STXBP5L: variants seen among roughly 807,000 people sequenced by gnomAD.
STXBP5L encodes the protein syntaxin binding protein 5L, also known as syntaxin-binding protein 5-like.
A neutral mutation model predicts 144.5 loss-of-function variants in STXBP5L; 65 were observed. The ratio of observed to expected loss-of-function variants is 0.45; its 90% CI spans 0.37 to 0.55. The LOEUF (loss-of-function observed/expected upper bound fraction) is 0.55, where lower values mean the gene tolerates loss of function less well. Ranked by LOEUF, STXBP5L falls within the 20% of genes least tolerant of loss-of-function variation. The pLI is 0.00. For missense variants in STXBP5L, 1,298 were observed against 1,405.5 expected (o/e 0.92, Z 1.22); for synonymous variants, 505 against 469.6 (o/e 1.08, Z -0.97).
chr3:120,985,112 G>T (rs376117706), intron 3 of STXBP5L, among the ~76,000 whole-genome samples: 4 of 151,730 alleles, frequency 2.6e-5, no homozygotes, highest in Non-Finnish European at 5.9e-5. Flanking sequence ...ATATTGTTTT[G>T]TAGCTTTTTT....
intron 9 of STXBP5L, among the ~76,000 whole-genome samples, chr3:121,170,642 G>C (rs1369774177): frequency 6.6e-6 from 1 of 152,112 alleles, no homozygotes; most frequent in Non-Finnish European, 1.5e-5. Flanking sequence ...ACTAAACCAG[G>C]GAGAAGTCCA....
chr3:121,010,057 A>G (rs1009622694), intron 3 of STXBP5L, among the ~76,000 whole-genome samples: 11 of 151,884 alleles, frequency 7.2e-5, no homozygotes, highest in Non-Finnish European at 1.3e-4. Flanking sequence ...ACTTGGTTAA[A>G]TTTGTAGGAA....
At chr3:121,353,316 C>G (rs1196176946) in intron 20 of STXBP5L, among the ~76,000 whole-genome samples, 1 of 152,102 alleles carries the variant, frequency 6.6e-6, no homozygotes, top group Non-Finnish European at 1.5e-5. Context: ...TGGTCCTGGA[C>G]TTTTTTTCGT....
intron 20 of STXBP5L, among the ~76,000 whole-genome samples, chr3:121,346,356 G>A (rs983505878): frequency 5.3e-5 from 8 of 152,054 alleles, no homozygotes; most frequent in African/African-American, 1.9e-4. Flanking sequence ...TATCACTGAT[G>A]GGCATTGGGG....
intron 6 of STXBP5L, among the ~76,000 whole-genome samples, chr3:121,116,779 A>G (rs2044249165): frequency 6.6e-6 from 1 of 151,960 alleles, no homozygotes; most frequent in Admixed American, 6.6e-5. Context: ...CTGTAATCCT[A>G]GTCCTATAAA....
At position 121,152,478 on chromosome 3, in the gene STXBP5L, T is replaced by A. The variant is rs370714622; in HGVS notation, c.671T>A (p.Leu224Gln). The A allele has an allele frequency of 2.5e-6, 4 of 1,593,450 alleles. No individual in the cohort carries two copies. In the African/African-American group the frequency reaches 5.4e-5, roughly 22 times the overall value. The change falls in exon 8 of 27, where the codon CTG becomes CAG. Residue 224 changes from leucine to glutamine, a missense_variant and splice_region_variant. Leu to Gln is a moderately radical substitution (Grantham distance 113, BLOSUM62 -2). Transcript: ENST00000471454. ...LSDSPRDEGKLLIGYENGTVV... is the reference protein window; with the variant it reads ...LSDSPRDEGKQLIGYENGTVV... ...AATGATTGTTCTAATGTTTTCCAGCTGCTAATAGGTTATGAAAATGGTACT... is the reference window on the plus strand; with the variant it reads ...AATGATTGTTCTAATGTTTTCCAGCAGCTAATAGGTTATGAAAATGGTACT...
intron 22 of STXBP5L, among the ~76,000 whole-genome samples, chr3:121,401,004 A>G (rs2046859373): frequency 6.6e-6 from 1 of 152,196 alleles, no homozygotes; most frequent in Non-Finnish European, 1.5e-5. Flanking sequence ...GCAACCTTCA[A>G]TGGTACCTCT....
intron 9 of STXBP5L, among the ~76,000 whole-genome samples, chr3:121,165,329 TA>T (rs772829206): frequency 7.9e-5 from 12 of 152,188 alleles, no homozygotes; most frequent in Non-Finnish European, 1.2e-4. Context: ...TGCATATATA[TA>T]ATTCCGCATT....
chr3:121,380,936 A>G (rs1423447649), intron 21 of STXBP5L, among the ~76,000 whole-genome samples: 1 of 152,142 alleles, frequency 6.6e-6, no homozygotes, highest in Admixed American at 6.6e-5. Context: ...GGGAAGCACA[A>G]TTTAAGTGAT....
intron 3 of STXBP5L, among the ~76,000 whole-genome samples, chr3:121,030,186 C>A (rs1946265195): frequency 6.6e-6 from 1 of 152,004 alleles, no homozygotes; most frequent in South Asian, 2.1e-4. Flanking sequence ...GGGTGTATAC[C>A]CAAAGGATTA....
At chr3:121,332,670 A>G (rs1378015334) in intron 20 of STXBP5L, among the ~76,000 whole-genome samples, 4 of 152,148 alleles carry the variant, frequency 2.6e-5, no homozygotes, top group African/African-American at 7.2e-5. Context: ...AAGAAGAAGA[A>G]AAACCAAAAA....
chr3:120,959,280 T>A (rs1375610406), intron 3 of STXBP5L, among the ~76,000 whole-genome samples: 1 of 152,230 alleles, frequency 6.6e-6, no homozygotes, highest in Admixed American at 6.5e-5. Flanking sequence ...GAACATTCCA[T>A]GCTCATGGTT....
chr3:120,969,325 G>T (rs534702832), intron 3 of STXBP5L, among the ~76,000 whole-genome samples: 2 of 149,828 alleles, frequency 1.3e-5, no homozygotes, highest in African/African-American at 4.9e-5. Flanking sequence ...TATGTTTGTT[G>T]GTTGGTTGTG....
chr3:121,190,615 T>A (rs565932215), intron 9 of STXBP5L, among the ~76,000 whole-genome samples: 107 of 151,930 alleles, frequency 7.0e-4, no homozygotes, highest in Admixed American at 1.0e-3. Context: ...GCTCCTCACT[T>A]CCCAGACGGG....
chr3:121,094,888 C>T (rs982523700), intron 5 of STXBP5L, among the ~76,000 whole-genome samples: 4 of 152,020 alleles, frequency 2.6e-5, no homozygotes, highest in Non-Finnish European at 5.9e-5. Flanking sequence ...TACATTTTGG[C>T]ATGATTTTGC....
intron 20 of STXBP5L, among the ~76,000 whole-genome samples, chr3:121,356,344 C>A (rs1451073026): frequency 6.6e-6 from 1 of 152,218 alleles, no homozygotes; most frequent in Non-Finnish European, 1.5e-5. Flanking sequence ...TGGTGGGCTC[C>A]CTCATTTTGA....
intron 5 of STXBP5L, among the ~76,000 whole-genome samples, chr3:121,050,958 T>C (rs1179766930): frequency 6.6e-6 from 1 of 152,098 alleles, no homozygotes; most frequent in East Asian, 1.9e-4. Flanking sequence ...AAACAGACTT[T>C]AAACCAACAA....
intron 20 of STXBP5L, among the ~76,000 whole-genome samples, chr3:121,356,653 G>A (rs1375674700): frequency 6.6e-6 from 1 of 152,158 alleles, no homozygotes; most frequent in Non-Finnish European, 1.5e-5. Context: ...TCCCGGGTGA[G>A]GCAATGCCCT....
intron 22 of STXBP5L, among the ~76,000 whole-genome samples, chr3:121,397,838 T>C (rs1205862927): frequency 6.6e-6 from 1 of 152,248 alleles, no homozygotes; most frequent in Non-Finnish European, 1.5e-5. Context: ...TACTTTGATA[T>C]ACATCAGGGG....
Sources: gnomAD v4.1 joint callset for allele counts (sites outside exome capture counted in the v4.1 genomes callset) on GRCh38, gnomAD v4.1.1 for gene constraint, MANE v1.5 for transcripts, NCBI Gene and HGNC (gene_info 2026-07-23, HGNC 2026-07-21) for gene names.